Variants in MAP4K4 observed in about 807,000 individuals in gnomAD.
The protein encoded by MAP4K4 is HPK/GCK-like kinase HGK.
In MAP4K4, 38 loss-of-function variants were observed where a neutral mutation model predicts 189.6. That is an observed-to-expected ratio of 0.20 (90% CI 0.15 to 0.26). MAP4K4 has a LOEUF of 0.26. Ranked by LOEUF, MAP4K4 falls within the 10% of genes least tolerant of loss-of-function variation. The pLI is 1.00. For synonymous variants in MAP4K4, 610 were observed against 624.3 expected, an observed-to-expected ratio of 0.98 and a Z score of 0.34; for missense variants, 1,054 against 1,726.9, an observed-to-expected ratio of 0.61 and a Z score of 6.91.
intron 15 of MAP4K4, chr2:101,860,072 C>T: frequency 1.7e-6 from 1 of 598,122 alleles, no homozygotes; most frequent in East Asian, 2.8e-5. Flanking sequence ...CATAAAGGAC[C>T]AGAGTGCCTC....
intron 2 of MAP4K4, among the ~76,000 whole-genome samples, chr2:101,769,660 T>C (rs982650260): frequency 2.6e-5 from 4 of 152,068 alleles, no homozygotes; most frequent in African/African-American, 9.7e-5. Context: ...CTTGGCTCAC[T>C]GCAACCTCTG....
chr2:101,890,028 T>C (rs569724162), intron 32 of MAP4K4, among the ~76,000 whole-genome samples: 7 of 152,344 alleles, frequency 4.6e-5, no homozygotes, highest in Non-Finnish European at 1.0e-4. Flanking sequence ...GCTTATACTT[T>C]CCTAAGTATG....
intron 10 of MAP4K4, among the ~76,000 whole-genome samples, chr2:101,841,414 A>G (rs1242795095): frequency 6.6e-6 from 1 of 152,124 alleles, no homozygotes; most frequent in Non-Finnish European, 1.5e-5. Flanking sequence ...ACAAATTTGT[A>G]CGGAACCATA....
At chr2:101,833,476 C>T (rs867896678) in intron 7 of MAP4K4, among the ~76,000 whole-genome samples, 54 of 151,974 alleles carry the variant, frequency 3.6e-4, no homozygotes, top group Middle Eastern at 3.4e-3. Context: ...AAAAATTAGC[C>T]GGGCATGGTG....
At chr2:101,799,869 G>GCT in intron 3 of MAP4K4, among the ~76,000 whole-genome samples, 1 of 152,220 alleles carries the variant, frequency 6.6e-6, no homozygotes, top group Admixed American at 6.5e-5. Flanking sequence ...ATCCCAAAGT[G>GCT]CTAGGACTGC....
chr2:101,776,468 A>T (rs1575365197), intron 2 of MAP4K4, among the ~76,000 whole-genome samples: 1 of 152,226 alleles, frequency 6.6e-6, no homozygotes, highest in East Asian at 1.9e-4. Flanking sequence ...CTCAGCTTTA[A>T]CAAATCTGTT....
intron 11 of MAP4K4, among the ~76,000 whole-genome samples, chr2:101,843,293 G>T (rs781332012): frequency 6.6e-6 from 1 of 152,162 alleles, no homozygotes; most frequent in African/African-American, 2.4e-5. Flanking sequence ...GGGTGGAAGG[G>T]CATCTCAAGT....
intron 2 of MAP4K4, among the ~76,000 whole-genome samples, chr2:101,785,943 G>T (rs982249476): frequency 1.3e-5 from 2 of 152,020 alleles, no homozygotes; most frequent in Non-Finnish European, 2.9e-5. Flanking sequence ...TCGTGTCTCA[G>T]CCTCCCCGAG....
At chr2:101,872,726 G>T (rs967102900) in intron 24 of MAP4K4, among the ~76,000 whole-genome samples, 5 of 152,114 alleles carry the variant, frequency 3.3e-5, no homozygotes, top group African/African-American at 1.2e-4. Flanking sequence ...CTTAGGGGAG[G>T]GCATGGGCTC....
chr2:101,883,966 A>G (rs2098445796), intron 28 of MAP4K4, among the ~76,000 whole-genome samples: 1 of 152,232 alleles, frequency 6.6e-6, no homozygotes, highest in African/African-American at 2.4e-5. Context: ...TATAACTAAA[A>G]TCATCTAAGG....
chr2:101,732,293 A>T (rs1185412986), intron 2 of MAP4K4, among the ~76,000 whole-genome samples: 1 of 152,140 alleles, frequency 6.6e-6, no homozygotes, highest in African/African-American at 2.4e-5. Context: ...ATTACCCCTC[A>T]GGAGTGTAAT....
At chr2:101,775,369 C>T (rs1214887679) in intron 2 of MAP4K4, among the ~76,000 whole-genome samples, 1 of 151,746 alleles carries the variant, frequency 6.6e-6, no homozygotes, top group African/African-American at 2.4e-5. Context: ...AAGTTTATTT[C>T]TGAATGGCCT....
chr2:101,794,088 T>G (rs1226393362), intron 3 of MAP4K4, among the ~76,000 whole-genome samples: 1 of 152,190 alleles, frequency 6.6e-6, no homozygotes, highest in Non-Finnish European at 1.5e-5. Context: ...AGGGAAAGCA[T>G]GTCTTTTATC....
intron 2 of MAP4K4, among the ~76,000 whole-genome samples, chr2:101,763,785 T>A (rs913358615): frequency 2.0e-5 from 3 of 152,186 alleles, no homozygotes; most frequent in Non-Finnish European, 4.4e-5. Flanking sequence ...CTGATCTGAA[T>A]GTTGCTGTGA....
chr2:101,869,472 A>T, intron 21 of MAP4K4, 150 bp from the exon 22 acceptor site: 2 of 612,050 alleles, frequency 3.3e-6, no homozygotes, highest in East Asian at 5.7e-5. Flanking sequence ...TTCTATCAAA[A>T]GCCATAGGAG....
chr2:101,857,730 C>A (rs555709315), intron 13 of MAP4K4, among the ~76,000 whole-genome samples: 3 of 152,150 alleles, frequency 2.0e-5, no homozygotes, highest in African/African-American at 7.2e-5. Context: ...CACACCCCCC[C>A]AGTTGGCTTT....
chr2:101,840,900 G>C (rs1165131535), intron 10 of MAP4K4, among the ~76,000 whole-genome samples: 3 of 152,182 alleles, frequency 2.0e-5, no homozygotes, highest in Admixed American at 1.3e-4. Context: ...GATATACTTA[G>C]TTATAAAAGT....
intron 2 of MAP4K4, among the ~76,000 whole-genome samples, chr2:101,703,725 C>A (rs2040381168): frequency 6.6e-6 from 1 of 150,678 alleles, no homozygotes; most frequent in Non-Finnish European, 1.5e-5. Context: ...TTTTAAAAAT[C>A]ATTAGGGGCC....
intron 2 of MAP4K4, among the ~76,000 whole-genome samples, chr2:101,740,365 G>A (rs1012696483): frequency 9.6e-6 from 1 of 104,566 alleles, no homozygotes; most frequent in Non-Finnish European, 1.6e-5. Context: ...GTTTTTAGCC[G>A]GGATGGTCTC....
Sources: gnomAD v4.1 joint callset for allele counts (sites outside exome capture counted in the v4.1 genomes callset) on GRCh38, gnomAD v4.1.1 for gene constraint, MANE v1.5 for transcripts, NCBI Gene and HGNC (gene_info 2026-07-23, HGNC 2026-07-21) for gene names.